The following KIAA0232 variants were observed in gnomAD, a reference collection of about 807,000 sequenced individuals.
KIAA0232 encodes the protein uncharacterized protein KIAA0232.
A neutral mutation model predicts 122.0 loss-of-function variants in KIAA0232; 27 were observed. The ratio of observed to expected loss-of-function variants is 0.22; its 90% CI spans 0.16 to 0.31. The LOEUF is 0.31. Ranked by LOEUF, KIAA0232 falls within the 10% of genes least tolerant of loss-of-function variation. KIAA0232 has a pLI of 1.00. For missense variants in KIAA0232, 1,551 were observed against 1,634.2 expected, an observed-to-expected ratio of 0.95 and a Z score of 0.88; for synonymous variants, 613 against 587.6, an observed-to-expected ratio of 1.04 and a Z score of -0.63.
intron 9 of KIAA0232, 76 bp downstream of exon 9, chr4:6,876,833 C>T (rs944007309): frequency 1.3e-5 from 14 of 1,060,154 alleles, no homozygotes; most frequent in Admixed American, 1.2e-4. Context: ...AGTCAAAAAC[C>T]TGGGAGTCAT....
intron 1 of KIAA0232, among the ~76,000 whole-genome samples, chr4:6,792,693 T>TG (rs1260520190): frequency 1.6e-5 from 2 of 123,892 alleles, no homozygotes; most frequent in Non-Finnish European, 3.6e-5. Flanking sequence ...TTTTTTTTTT[T>TG]TGTTTTTTTT....
At position 6,861,913 on chromosome 4, in the gene KIAA0232, G is replaced by A. The variant is rs908233728; in HGVS notation, c.1531G>A (p.Glu511Lys). Residue 511 changes from glutamate (E) to lysine (K), a missense_variant, in exon 7 of 10, where the codon GAA (glutamate) becomes AAA (lysine). By Grantham distance (56) the Glu-to-Lys change is moderately conservative (BLOSUM62 1). Transcript: ENST00000307659. ...IHLSELTHFYEVDIDQSMLDP... is the reference protein window; with the variant it reads ...IHLSELTHFYKVDIDQSMLDP... The stretch of plus-strand genomic sequence containing the variant: ...TCTATCAGAATTAACGCACTTCTAT[G>A]AAGTGGATATTGATCAATCCATGTT... 1.1e-5 allele frequency: 17 copies of A among 1,613,942 alleles called. No individual in the cohort carries two copies. The highest frequency in any genetic ancestry group is 2.7e-5 in the African/African-American group (2 of 74,914).
chr4:6,879,638 T>C (rs1416675931), intron 9 of KIAA0232, among the ~76,000 whole-genome samples: 1 of 152,136 alleles, frequency 6.6e-6, no homozygotes, highest in East Asian at 1.9e-4. Flanking sequence ...AGGGGAGCTT[T>C]GTAATGACTG....
At chr4:6,836,871 T>C (rs1303037028) in intron 3 of KIAA0232, among the ~76,000 whole-genome samples, 2 of 152,168 alleles carry the variant, frequency 1.3e-5, no homozygotes, top group Non-Finnish European at 2.9e-5. Context: ...GGGGGCAAGG[T>C]TATAGATTAA....
Position 6,882,294 on chromosome 4 carries a change from C to T in KIAA0232, c.*1328C>T, listed in dbSNP as rs1195126127. The T allele has an allele frequency of 6.6e-6, 1 of 152,160 alleles. No individual in the cohort carries two copies. The highest frequency in any genetic ancestry group is 1.5e-5 in the Non-Finnish European group (1 of 68,028). The allele number at this position is 152,160 out of a possible 1,614,324, so 9.4% of individuals were successfully genotyped here. A position where few individuals can be genotyped will look rare whatever the true frequency, so the allele number is the denominator to read the frequency against. The stretch of plus-strand genomic sequence containing the variant: ...AAAAAAACCTAATCTGTGAAATCAG[C>T]GTAGCATGCCTGGAGCATCAGGAAT... On this transcript the variant is annotated 3_prime_UTR_variant, in exon 10 of 10. Transcript: ENST00000307659.
chr4:6,819,920 A>C (rs1353193932), intron 2 of KIAA0232, among the ~76,000 whole-genome samples: 2 of 152,204 alleles, frequency 1.3e-5, no homozygotes, highest in East Asian at 3.8e-4. Flanking sequence ...GCAGCCATTA[A>C]AAAAAGAATG....
chr4:6,870,630 C>G (rs944596391), intron 7 of KIAA0232, among the ~76,000 whole-genome samples: 2 of 152,088 alleles, frequency 1.3e-5, no homozygotes, highest in Admixed American at 1.3e-4. Context: ...TGGCAAAACC[C>G]TGTCTCTACT....
At position 6,807,032 on chromosome 4, in the gene KIAA0232, G is replaced by GTCTGTCTATCTA. The variant is rs750617409; in HGVS notation, c.-270+2429_-270+2430insGTCTATCTATCT. ...GTTTTTCCTTTTTGTCTGTCTGTCTGTCTATCTATCTATCTATCTATCTAT... is the reference window on the plus strand; with the variant it reads ...GTTTTTCCTTTTTGTCTGTCTGTCTGTCTGTCTATCTATCTATCTATCTATCTATCTATCTAT... On this transcript the variant is annotated intron_variant, in intron 2 of 9. Transcript: ENST00000307659. 8.8e-3 allele frequency among the ~76,000 whole-genome samples: 1,277 copies of GTCTGTCTATCTA among 145,828 alleles called. 11 individuals are homozygous for GTCTGTCTATCTA. Among genetic ancestry groups the GTCTGTCTATCTA allele is most frequent in the African/African-American group, 0.024 (924 of 38,900 alleles).
chr4:6,817,321 A>G (rs58838274), intron 2 of KIAA0232, among the ~76,000 whole-genome samples: 97 of 152,222 alleles, frequency 6.4e-4, no homozygotes, highest in African/African-American at 2.2e-3. Flanking sequence ...GGTTCAAGTG[A>G]TTCTTTCACC....
At chr4:6,858,281 T>C in intron 5 of KIAA0232, 144 bp from the exon 6 acceptor site, 1 of 562,698 alleles carries the variant, frequency 1.8e-6, no homozygotes, top group South Asian at 2.3e-5. Context: ...AAATAGATTT[T>C]TATTAAAAAG....
chr4:6,785,062 C>T (rs866454456), intron 1 of KIAA0232, among the ~76,000 whole-genome samples: 1 of 151,938 alleles, frequency 6.6e-6, no homozygotes, highest in Non-Finnish European at 1.5e-5. Flanking sequence ...CTCAACCTCC[C>T]GAGTAGCTGG....
Position 6,796,276 on chromosome 4 carries a change from C to T in KIAA0232, c.-353-8247C>T, listed in dbSNP as rs1717132633. Among the ~76,000 whole-genome samples, 3 of 151,608 alleles carry T rather than the reference C, an allele frequency of 2.0e-5. No homozygotes were observed. The South Asian group carries it at 6.2e-4, about 31-fold the overall frequency. On this transcript the variant is annotated intron_variant, in intron 1 of 9. Coordinates refer to ENST00000307659, the MANE Select transcript of KIAA0232 (RefSeq NM_014743.3). The stretch of plus-strand genomic sequence containing the variant: ...TTTTTTTTGGAGACAGAGTCTTGTT[C>T]TGTCACCCAGGTTGGAGTGCAGTGG...
Position 6,862,661 on chromosome 4 carries a change from A to AT in KIAA0232, c.2285dup (p.Leu762PhefsTer4). 2 of 1,611,550 alleles carry AT rather than the reference A, an allele frequency of 1.2e-6. No homozygotes were observed. The highest frequency in any genetic ancestry group is 1.7e-6 in the Non-Finnish European group (2 of 1,179,420). The stretch of plus-strand genomic sequence containing the variant: ...AATTATGTAGATGAAGAACTTCTAG[A>AT]TTTTTTGCAAGATGAAACTTGCCAG... On this transcript the variant is annotated frameshift_variant, in exon 7 of 10. Transcript: ENST00000307659. LOFTEE classifies it high-confidence loss of function.
At chr4:6,820,891 G>T (rs940465063) in intron 2 of KIAA0232, among the ~76,000 whole-genome samples, 5 of 152,208 alleles carry the variant, frequency 3.3e-5, no homozygotes, top group African/African-American at 9.7e-5. Context: ...CATGGCACTG[G>T]CCTGTAGTGA....
intron 1 of KIAA0232, among the ~76,000 whole-genome samples, chr4:6,788,646 A>G (rs1002500914): frequency 6.6e-6 from 1 of 152,232 alleles, no homozygotes. Context: ...TCTAGTGTGC[A>G]ATATAGTCTT....
intron 1 of KIAA0232, among the ~76,000 whole-genome samples, chr4:6,795,932 C>G (rs1022187278): frequency 6.6e-6 from 1 of 152,074 alleles, no homozygotes; most frequent in African/African-American, 2.4e-5. Flanking sequence ...TTATTTTGCT[C>G]TTGAAGGCAC....
intron 2 of KIAA0232, among the ~76,000 whole-genome samples, chr4:6,817,469 C>A (rs1718189073): frequency 6.6e-6 from 1 of 152,184 alleles, no homozygotes; most frequent in Non-Finnish European, 1.5e-5. Context: ...CCTGCCTCGG[C>A]CTCCCAAAGT....
intron 2 of KIAA0232, among the ~76,000 whole-genome samples, chr4:6,822,611 C>G (rs1577373450): frequency 6.6e-6 from 1 of 151,878 alleles, no homozygotes; most frequent in South Asian, 2.1e-4. Flanking sequence ...AACCAGAACT[C>G]TAATATAAAG....
chr4:6,874,290 G>A lies in KIAA0232; in HGVS notation c.3911-2370G>A, dbSNP rs183447067. Among the ~76,000 whole-genome samples the A allele has an allele frequency of 3.9e-3, 597 of 152,338 alleles. 6 individuals carry two copies. The highest frequency in any genetic ancestry group is 0.014 in the African/African-American group (582 of 41,568). The stretch of plus-strand genomic sequence containing the variant: ...TTCTCAACAGGGACTTGAGGAAATA[G>A]GGCACAGACCATGTGACAGCTGGGG... On this transcript the variant is annotated intron_variant, in intron 8 of 9. Transcript: ENST00000307659.
Sources: gnomAD v4.1 joint callset for allele counts (sites outside exome capture counted in the v4.1 genomes callset) on GRCh38, gnomAD v4.1.1 for gene constraint, MANE v1.5 for transcripts, NCBI Gene and HGNC (gene_info 2026-07-23, HGNC 2026-07-21) for gene names.